RBAK: variants seen among roughly 807,000 people sequenced by gnomAD.
RBAK encodes the protein RB associated KRAB zinc finger, also known as RB-associated KRAB zinc finger protein.
A neutral mutation model predicts 65.8 loss-of-function variants in RBAK; 39 were observed. That is an observed-to-expected ratio of 0.59 (90% CI 0.46 to 0.77). RBAK has a LOEUF of 0.77. Ranked by LOEUF, RBAK falls within the 30% of genes least tolerant of loss-of-function variation. RBAK has a pLI of 0.00. For missense variants in RBAK, 884 were observed against 855.1 expected (o/e 1.03, Z -0.42); for synonymous variants, 343 against 289.7 (o/e 1.18, Z -1.87).
rs748771611 is a variant in RBAK at position 5,063,680 on chromosome 7, A to G, written c.239-15A>G. The G allele has an allele frequency of 7.1e-6, 11 of 1,556,476 alleles. No individual in the cohort carries two copies. In the African/African-American group the frequency reaches 9.7e-5, roughly 14 times the overall value. On this transcript the variant is annotated splice_polypyrimidine_tract_variant and intron_variant, in intron 4 of 4. Transcript: ENST00000396912. ...TTCAGATTTACAAAGTTTGTTTACT[A>G]TTTTTCCTTTTTAGAAGCCTGGAGA... is the stretch of plus-strand genomic sequence containing the variant.
At position 5,064,449 on chromosome 7, in the gene RBAK, CCTCA is replaced by C. The variant is rs1418150377; in HGVS notation, c.998_1001del (p.Thr333AsnfsTer3). 1 of 1,613,918 alleles carries C rather than the reference CCTCA, an allele frequency of 6.2e-7. No homozygotes were observed. The highest frequency in any genetic ancestry group is 8.5e-7 in the Non-Finnish European group (1 of 1,179,976). On this transcript the variant is annotated frameshift_variant, in exon 5 of 5. Coordinates refer to ENST00000396912, the MANE Select transcript of RBAK (RefSeq NM_021163.4). LOFTEE classifies it high-confidence loss of function. This position sits in a 1 kb window ranked among gnomAD's most constrained non-coding sequence, Gnocchi z 6.3. ...GGAAAACCTTTTGTCAGAAGTTACA[CCTCA>C]CTCAACACCTAAGAACTCATTCAGG...
chr7:5,051,003 G>T (rs1425099335), intron 2 of RBAK, among the ~76,000 whole-genome samples: 2 of 152,132 alleles, frequency 1.3e-5, no homozygotes, highest in Non-Finnish European at 2.9e-5. Context: ...TTATGAGCTC[G>T]TGGGTTTAAA....
Position 5,047,601 on chromosome 7 carries a change from C to CTTTTTTTT in RBAK, c.-44-413_-44-406dup, listed in dbSNP as rs1037439035. On this transcript the variant is annotated intron_variant, in intron 1 of 4. Transcript: ENST00000396912. Reference sequence around the variant, plus strand: ...TTCGCCTATCACTCTTTTTCACTCTCTTTTTTTTTTTTTTTTTTTTTTTTT... The same window carrying CTTTTTTTT: ...TTCGCCTATCACTCTTTTTCACTCTCTTTTTTTTTTTTTTTTTTTTTTTTTTTTTTTTT... Among the ~76,000 whole-genome samples, 4 of 100,908 alleles carry CTTTTTTTT rather than the reference C, an allele frequency of 4.0e-5. 1 individual carries two copies. The allele number at this position is 100,908 out of a possible 152,430, so 66.2% of individuals were successfully genotyped here.
Position 5,064,687 on chromosome 7 carries a change from T to C in RBAK, c.1231T>C (p.Tyr411His). Residue 411 changes from tyrosine (Y) to histidine (H), a missense_variant, in exon 5 of 5, where the codon TAC (tyrosine) becomes CAC (histidine). Coordinates refer to ENST00000396912, the MANE Select transcript of RBAK (RefSeq NM_021163.4). The surrounding 1 kb of genome is among the most constrained non-coding windows in gnomAD (Gnocchi z 6.3). ...ATGTAATGAATGTGGGAAATCCTAC[T>C]ACCGAAAGTCTACTCTGATTACACA... is the stretch of plus-strand genomic sequence containing the variant. ...YKCNECGKSY[Y>H]RKSTLITHQR... is the part of the protein sequence containing the mutation. 1 of 1,612,122 alleles carries C rather than the reference T, an allele frequency of 6.2e-7. No homozygotes were observed. The highest frequency in any genetic ancestry group is 1.1e-5 in the South Asian group (1 of 90,930).
Position 5,068,241 on chromosome 7 carries a change from A to G in RBAK, c.*2640A>G, listed in dbSNP as rs7778444. On this transcript the variant is annotated 3_prime_UTR_variant, in exon 5 of 5. Coordinates refer to ENST00000396912, the MANE Select transcript of RBAK (RefSeq NM_021163.4). Reference sequence around the variant, plus strand: ...TCTTTGCTATTGTGTGAAAGCATCCATACACCATGCATTAAAAAAAAAATG... The same window carrying G: ...TCTTTGCTATTGTGTGAAAGCATCCGTACACCATGCATTAAAAAAAAAATG... 90,432 of 151,938 alleles carry G rather than the reference A, an allele frequency of 0.6. 28,862 individuals are homozygous for G. The highest frequency in any genetic ancestry group is 0.85 in the African/African-American group (35,154 of 41,442). 9.4% of individuals were successfully genotyped at this position (151,938 alleles called of 1,614,324 possible). A position where few individuals can be genotyped will look rare whatever the true frequency, so the allele number is the denominator to read the frequency against.
rs756132872 is a variant in RBAK, at chr7:5,064,476, A to C, written c.1020A>C (p.Ser340=). Residue 340 remains serine (S), a synonymous_variant, in exon 5 of 5, where the codon TCA becomes TCC. Coordinates refer to ENST00000396912, the MANE Select transcript of RBAK (RefSeq NM_021163.4). The surrounding 1 kb of genome is among the most constrained non-coding windows in gnomAD (Gnocchi z 6.3). The part of the protein sequence containing the change: ...LHLTQHLRTH[S]GEKPYECSEC... ...TCACTCAACACCTAAGAACTCATTCAGGAGAGAAACCCTACGAATGTAGCG... is the reference window on the plus strand; with the variant it reads ...TCACTCAACACCTAAGAACTCATTCCGGAGAGAAACCCTACGAATGTAGCG... 6.2e-7 allele frequency: 1 copy of C among 1,614,106 alleles called. No homozygotes were observed. Among genetic ancestry groups the C allele is most frequent in the South Asian group, 1.1e-5 (1 of 91,082 alleles).
At chr7:5,057,609 G>GT in intron 3 of RBAK, 75 bp from the exon 4 acceptor site, 1 of 1,602,054 alleles carries the variant, frequency 6.2e-7, no homozygotes, top group Admixed American at 1.7e-5. Context: ...AGCTTATGAG[G>GT]TGGCAACATC....
chr7:5,068,652 G>A lies in RBAK; in HGVS notation c.*3051G>A, dbSNP rs143889864. ...ATCGATAAAACCATTTTGAAAGCTGGCACTAAAAGCCAAGCATATGTATAC... is the reference window on the plus strand; with the variant it reads ...ATCGATAAAACCATTTTGAAAGCTGACACTAAAAGCCAAGCATATGTATAC... On this transcript the variant is annotated 3_prime_UTR_variant, in exon 5 of 5. Transcript: ENST00000396912. The A allele has an allele frequency of 3.9e-5, 6 of 152,308 alleles. No individual in the cohort carries two copies. Among genetic ancestry groups the A allele is most frequent in the African/African-American group, 1.4e-4 (6 of 41,556 alleles). The allele number at this position is 152,308 out of a possible 1,614,324, so 9.4% of individuals were successfully genotyped here.
chr7:5,046,537 G>A (rs1314033682), intron 1 of RBAK, 141 bp downstream of exon 1: 1 of 352,192 alleles, frequency 2.8e-6, no homozygotes, highest in African/African-American at 2.2e-5. Context: ...GGCAGGGTCC[G>A]GCTGCACCGA....
At chr7:5,063,127 C>T (rs1361959043) in intron 4 of RBAK, among the ~76,000 whole-genome samples, 4 of 152,172 alleles carry the variant, frequency 2.6e-5, no homozygotes, top group African/African-American at 9.7e-5. Context: ...GAAATCTTCA[C>T]AATTTATGTT....
chr7:5,049,993 A>G (rs779880860), intron 2 of RBAK, among the ~76,000 whole-genome samples: 4 of 152,186 alleles, frequency 2.6e-5, no homozygotes, highest in Non-Finnish European at 5.9e-5. Context: ...TGCTAGGATT[A>G]CAGGCGTGAG....
chr7:5,054,092 C>G (rs1039652684), intron 2 of RBAK, among the ~76,000 whole-genome samples: 1 of 152,134 alleles, frequency 6.6e-6, no homozygotes, highest in Non-Finnish European at 1.5e-5. Context: ...ACTCTACTGC[C>G]TGATAATCAG....
rs1039140345 is a variant in RBAK at position 5,064,893 on chromosome 7, C to T, written c.1437C>T (p.His479=). The change falls in exon 5 of 5, where the codon CAC becomes CAT. Residue 479 remains histidine, a synonymous_variant. Coordinates refer to ENST00000396912, the MANE Select transcript of RBAK (RefSeq NM_021163.4). The surrounding 1 kb of genome is among the most constrained non-coding windows in gnomAD (Gnocchi z 6.3). The part of the protein sequence containing the change: ...NSAFIRHRKV[H]TEEKSHECSE... ...CCTTCATTAGACATCGGAAAGTACA[C>T]ACAGAAGAGAAATCCCATGAATGTA... The T allele has an allele frequency of 3.1e-6, 5 of 1,613,772 alleles. No individual in the cohort carries two copies. The highest frequency in any genetic ancestry group is 4.2e-6 in the Non-Finnish European group (5 of 1,179,848).
At chr7:5,055,407 G>A (rs1391389078) in intron 2 of RBAK, among the ~76,000 whole-genome samples, 1 of 152,000 alleles carries the variant, frequency 6.6e-6, no homozygotes, top group African/African-American at 2.4e-5. Flanking sequence ...GTATATACAT[G>A]TTATTGATGT....
At position 5,064,133 on chromosome 7, in the gene RBAK, C is replaced by G; in HGVS notation, c.677C>G (p.Ala226Gly). ...NEAVFIAHKR[A>G]YIGEKPYEWN... ...GCTGTTTTTATTGCTCATAAGAGAG[C>G]TTACATAGGGGAGAAGCCCTATGAG... is the stretch of plus-strand genomic sequence containing the variant. The change falls in exon 5 of 5, where the codon GCT becomes GGT. Residue 226 changes from alanine to glycine, a missense_variant. Transcript: ENST00000396912. The surrounding 1 kb of genome is among the most constrained non-coding windows in gnomAD (Gnocchi z 6.3). The G allele has an allele frequency of 6.2e-7, 1 of 1,613,868 alleles. No individual in the cohort carries two copies. Among genetic ancestry groups the G allele is most frequent in the South Asian group, 1.1e-5 (1 of 91,082 alleles).
At chr7:5,063,477 CTGTGTGTGTGTG>C (rs71535175) in intron 4 of RBAK, among the ~76,000 whole-genome samples, 21 of 147,252 alleles carry the variant, frequency 1.4e-4, no homozygotes, top group South Asian at 1.1e-3. Context: ...AATTCTTTCA[CTGTGTGTGTGTG>C]TGTGTGTGTG....
In RBAK at chr7:5,063,744, C is replaced by T. The variant is rs762109169; in HGVS notation, c.288C>T (p.Asp96=). The change falls in exon 5 of 5, where the codon GAC becomes GAT. Residue 96 remains aspartate, a synonymous_variant. Coordinates refer to ENST00000396912, the MANE Select transcript of RBAK (RefSeq NM_021163.4). ...DLIERIQENE[D]KHSRQAACIN... ...TAGAGAGAATCCAAGAAAACGAAGA[C>T]AAACATTCAAGGCAAGCTGCTTGTA... 3 of 1,612,734 alleles carry T rather than the reference C, an allele frequency of 1.9e-6. No individual in the cohort carries two copies. Among genetic ancestry groups the T allele is most frequent in the Non-Finnish European group, 1.7e-6 (2 of 1,179,652 alleles).
At chr7:5,062,880 A>C (rs527696261) in intron 4 of RBAK, among the ~76,000 whole-genome samples, 3 of 152,342 alleles carry the variant, frequency 2.0e-5, no homozygotes, top group Admixed American at 2.0e-4. Flanking sequence ...GCTCACCGGC[A>C]GTCAGAGTTT....
rs1778953562 is a variant in RBAK, at chr7:5,057,358, C to A, written c.79C>A (p.Pro27Thr). 6.2e-7 allele frequency: 1 copy of A among 1,613,788 alleles called. No homozygotes were observed. The highest frequency in any genetic ancestry group is 1.3e-5 in the African/African-American group (1 of 74,814). Reference sequence around the variant, plus strand: ...CCAGGAGGAGTGGCAGCAGCTGGACCCTGATGAGAAGATAACTTACAGGGA... The same window carrying A: ...CCAGGAGGAGTGGCAGCAGCTGGACACTGATGAGAAGATAACTTACAGGGA... Reference protein sequence around the residue: ...FTQEEWQQLDPDEKITYRDVM... With the variant: ...FTQEEWQQLDTDEKITYRDVM... Residue 27 changes from proline to threonine, a missense_variant, in exon 3 of 5, where the codon CCT becomes ACT. Physicochemically the swap from Pro to Thr is conservative, Grantham distance 38. Transcript: ENST00000396912.
Sources: allele counts gnomAD v4.1 joint callset (sites outside exome capture counted in the v4.1 genomes callset), GRCh38; gene constraint gnomAD v4.1.1; non-coding constraint Gnocchi (gnomAD v3.1); transcripts MANE v1.5; gene names NCBI Gene and HGNC (gene_info 2026-07-23, HGNC 2026-07-21).